SASH1: variants seen among roughly 807,000 people sequenced by gnomAD.
SASH1 encodes SAM and SH3 domain containing 1, also known as SAM and SH3 domain-containing protein 1.
A neutral mutation model predicts 125.2 loss-of-function variants in SASH1; 44 were observed. The observed-to-expected ratio is 0.35, with a 90% CI of 0.28 to 0.45. The LOEUF (loss-of-function observed/expected upper bound fraction) is 0.45, where lower values mean the gene tolerates loss of function less well. Ranked by LOEUF, SASH1 falls within the 20% of genes least tolerant of loss-of-function variation. The probability of loss-of-function intolerance (pLI) is 1.00; values close to 1 mark genes in which losing one functional copy is unlikely to be tolerated. For synonymous variants in SASH1, 639 were observed against 649.1 expected (o/e 0.98, Z 0.24); for missense variants, 1,426 against 1,614.5 (o/e 0.88, Z 2.00).
At chr6:148,439,282 A>G (rs1211775750) in intron 2 of SASH1, among the ~76,000 whole-genome samples, 3 of 152,216 alleles carry the variant, frequency 2.0e-5, no homozygotes, top group Non-Finnish European at 4.4e-5. Context: ...CATTCTTAAT[A>G]TCAAGTATTT....
intron 1 of SASH1, among the ~76,000 whole-genome samples, chr6:148,301,725 C>T (rs993874811): frequency 8.1e-5 from 12 of 148,884 alleles, no homozygotes; most frequent in Admixed American, 6.8e-4. Context: ...ACTACAGAAA[C>T]ACACCACCCC....
chr6:148,520,004 G>C (rs1190223580), intron 10 of SASH1, 111 bp downstream of exon 10: 1 of 708,452 alleles, frequency 1.4e-6, no homozygotes, highest in Non-Finnish European at 2.3e-6. Flanking sequence ...TGAAGAAAAC[G>C]GATACTAATT....
chr6:148,493,642 C>A (rs1779200006), intron 8 of SASH1, among the ~76,000 whole-genome samples: 1 of 152,180 alleles, frequency 6.6e-6, no homozygotes. Flanking sequence ...GGCTTCCCCA[C>A]CCCAATCGCT....
intron 1 of SASH1, among the ~76,000 whole-genome samples, chr6:148,324,132 A>AAAAAAAAC (rs773631402): frequency 6.7e-6 from 1 of 150,276 alleles, no homozygotes; most frequent in Non-Finnish European, 1.5e-5. Context: ...AAAAAAAAAA[A>AAAAAAAAC]AAAACAAGCA....
chr6:148,268,472 G>A (rs1462682041), upstream of SASH1, among the ~76,000 whole-genome samples: 8 of 152,306 alleles, frequency 5.3e-5, no homozygotes, highest in African/African-American at 1.7e-4. Flanking sequence ...AAGAAAAAAT[G>A]TAATCAACTG....
At chr6:148,457,005 A>G (rs1030056861) in intron 4 of SASH1, among the ~76,000 whole-genome samples, 1 of 151,052 alleles carries the variant, frequency 6.6e-6, no homozygotes, top group African/African-American at 2.4e-5. Flanking sequence ...ACAATGTGCT[A>G]CAGCCCTGTT....
At chr6:148,280,114 C>T (rs533233239) in intron 1 of SASH1, among the ~76,000 whole-genome samples, 43 of 143,290 alleles carry the variant, frequency 3.0e-4, no homozygotes, top group Non-Finnish European at 4.8e-4. Context: ...TGTGTATTTT[C>T]AACACGGCAA....
chr6:148,535,106 GT>G (rs1781763917), intron 16 of SASH1, among the ~76,000 whole-genome samples: 3 of 152,226 alleles, frequency 2.0e-5, no homozygotes, highest in Non-Finnish European at 4.4e-5. Context: ...CTGCCAGTAT[GT>G]GCTTAGGTCC....
At chr6:148,401,798 GT>G (rs1377627898) in intron 2 of SASH1, among the ~76,000 whole-genome samples, 1 of 150,694 alleles carries the variant, frequency 6.6e-6, no homozygotes, top group Non-Finnish European at 1.5e-5. Context: ...GGGGGTGTAT[GT>G]TTTTTTTTAG....
chr6:148,299,298 G>A (rs1779867461), intron 1 of SASH1, among the ~76,000 whole-genome samples: 1 of 148,508 alleles, frequency 6.7e-6, no homozygotes, highest in Non-Finnish European at 1.5e-5. Context: ...GATTTTTTTT[G>A]TAATGATTTT....
At chr6:148,401,125 A>T (rs1404022246) in intron 2 of SASH1, among the ~76,000 whole-genome samples, 2 of 152,012 alleles carry the variant, frequency 1.3e-5, no homozygotes, top group Non-Finnish European at 1.5e-5. Flanking sequence ...ATGGTGGCGC[A>T]TGCCTGTAGT....
chr6:148,322,985 TTC>T (rs1780691335), intron 1 of SASH1, among the ~76,000 whole-genome samples: 1 of 135,602 alleles, frequency 7.4e-6, no homozygotes, highest in Non-Finnish European at 1.6e-5. Flanking sequence ...CTCCCTCCCT[TTC>T]TCTTTCTCTC....
the SASH1 span, among the ~76,000 whole-genome samples, chr6:148,220,857 T>G: frequency 6.6e-6 from 1 of 152,168 alleles, no homozygotes; most frequent in South Asian, 2.1e-4. Flanking sequence ...GAGGTTGCAG[T>G]GAGCCGAGGT....
At chr6:148,472,264 CTAAT>C (rs1385394456) in intron 6 of SASH1, among the ~76,000 whole-genome samples, 3 of 152,090 alleles carry the variant, frequency 2.0e-5, no homozygotes, top group Non-Finnish European at 4.4e-5. Context: ...GAACGTCTGT[CTAAT>C]TATCAGTACG....
intron 2 of SASH1, among the ~76,000 whole-genome samples, chr6:148,392,425 G>A (rs1490822060): frequency 6.6e-6 from 1 of 152,052 alleles, no homozygotes; most frequent in Non-Finnish European, 1.5e-5. Context: ...GAACTAAGTA[G>A]GAACAGATAA....
At chr6:148,476,599 G>A (rs1162913153) in intron 7 of SASH1, among the ~76,000 whole-genome samples, 2 of 152,182 alleles carry the variant, frequency 1.3e-5, no homozygotes, top group Non-Finnish European at 2.9e-5. Flanking sequence ...AGAATAGCTT[G>A]AATCGGGGAG....
chr6:148,512,914 C>T (rs567050308), intron 8 of SASH1: 6 of 985,370 alleles, frequency 6.1e-6, no homozygotes, highest in Non-Finnish European at 7.2e-6. Context: ...GATAGTCATA[C>T]AGGGAGAAAG....
Position 148,544,834 on chromosome 6 carries a change from G to T in SASH1, c.3348+16G>T. On this transcript the variant is annotated intron_variant, in intron 18 of 19. Coordinates refer to ENST00000367467, the MANE Select transcript of SASH1 (RefSeq NM_015278.5). This position sits in a 1 kb window ranked among gnomAD's most constrained non-coding sequence, Gnocchi z 6.4. The stretch of plus-strand genomic sequence containing the variant: ...TTCTGATAAGGTATCAAAGGTCCTG[G>T]GCCCACCACGTTCACAGGCCTTTGT... 1 of 1,552,092 alleles carries T rather than the reference G, an allele frequency of 6.4e-7. No homozygotes were observed.
chr6:148,529,080 T>C lies in SASH1; in HGVS notation c.1428+1484T>C, dbSNP rs929251545. Among the ~76,000 whole-genome samples the C allele has an allele frequency of 5.9e-5, 9 of 151,972 alleles. No individual in the cohort carries two copies. Among genetic ancestry groups the C allele is most frequent in the African/African-American group, 2.2e-4 (9 of 41,362 alleles). On this transcript the variant is annotated intron_variant, in intron 12 of 19. Coordinates refer to ENST00000367467, the MANE Select transcript of SASH1 (RefSeq NM_015278.5). The surrounding 1 kb of genome is among the most constrained non-coding windows in gnomAD (Gnocchi z 4.2). ...CCGCTGATCTGACAGGAGGTGGAGC[T>C]CAGACAGTAATGCGGGTAATGGAGA...
Sources: gnomAD v4.1 joint callset for allele counts (sites outside exome capture counted in the v4.1 genomes callset) on GRCh38, gnomAD v4.1.1 for gene constraint, Gnocchi (gnomAD v3.1) non-coding constraint, MANE v1.5 for transcripts, NCBI Gene and HGNC (gene_info 2026-07-23, HGNC 2026-07-21) for gene names.